Variants in ACSBG1 observed in about 807,000 individuals in gnomAD.
ACSBG1 encodes acyl-CoA synthetase bubblegum family member 1, also known as long-chain-fatty-acid--CoA ligase ACSBG1.
Under a neutral mutation model 80.2 loss-of-function variants are expected in ACSBG1, and 39 were observed. The ratio of observed to expected loss-of-function variants is 0.49; its 90% CI spans 0.38 to 0.64. The LOEUF is 0.64. Ranked by LOEUF, ACSBG1 falls within the 30% of genes least tolerant of loss-of-function variation. ACSBG1 has a pLI of 0.00. For missense variants in ACSBG1, 828 were observed against 966.4 expected, an observed-to-expected ratio of 0.86 and a Z score of 1.90; for synonymous variants, 392 against 379.5, an observed-to-expected ratio of 1.03 and a Z score of -0.38.
chr15:78,202,157 T>G (rs1317543018), intron 2 of ACSBG1, among the ~76,000 whole-genome samples: 5 of 152,166 alleles, frequency 3.3e-5, no homozygotes, highest in African/African-American at 1.2e-4. Flanking sequence ...AGGTCCATTC[T>G]TCCCATTCCC....
At chr15:78,180,607 A>C (rs2074931932) in intron 9 of ACSBG1, 148 bp downstream of exon 9, 2 of 987,978 alleles carry the variant, frequency 2.0e-6, no homozygotes, top group Admixed American at 5.6e-5. Context: ...GCTCAAGCCC[A>C]GTCATTGATG....
intron 2 of ACSBG1, among the ~76,000 whole-genome samples, chr15:78,197,673 C>T (rs59369494): frequency 0.052 from 7,494 of 144,526 alleles, 672 homozygotes; most frequent in African/African-American, 0.18. Flanking sequence ...GAGCTGAGAT[C>T]GCACCACTGC....
At position 78,180,937 on chromosome 15, in the gene ACSBG1, C is replaced by A; in HGVS notation, c.1072-1G>T. On this transcript the variant is annotated splice_acceptor_variant, in intron 8 of 13. Coordinates refer to ENST00000258873, the MANE Select transcript of ACSBG1 (RefSeq NM_015162.5). LOFTEE classifies it high-confidence loss of function. ...CCCGCAGCGTGTTCACCAGGCTCCC[C>A]TGTTCACACCAGAAGAGGCAGGCCT... is the stretch of plus-strand genomic sequence containing the variant. The A allele has an allele frequency of 6.2e-7, 1 of 1,613,248 alleles. No homozygotes were observed. The highest frequency in any genetic ancestry group is 1.7e-4 in the Middle Eastern group (1 of 6,052).
At chr15:78,187,456 C>T (rs1595885814) in intron 5 of ACSBG1, among the ~76,000 whole-genome samples, 1 of 152,318 alleles carries the variant, frequency 6.6e-6, no homozygotes, top group East Asian at 1.9e-4. Context: ...TCCAGCAGCA[C>T]ATCAAAAAGC....
chr15:78,196,347 C>A (rs1361957962), intron 2 of ACSBG1, among the ~76,000 whole-genome samples: 1 of 152,240 alleles, frequency 6.6e-6, no homozygotes, highest in Non-Finnish European at 1.5e-5. Flanking sequence ...TTGCTAAAGT[C>A]CATGCCCAGA....
intron 5 of ACSBG1, among the ~76,000 whole-genome samples, chr15:78,186,384 C>A (rs1439118112): frequency 1.3e-5 from 2 of 152,136 alleles, no homozygotes; most frequent in African/African-American, 2.4e-5. Flanking sequence ...TTTTTCAGCA[C>A]CACACCACAC....
intron 1 of ACSBG1, among the ~76,000 whole-genome samples, chr15:78,220,732 AG>A (rs1292168611): frequency 6.6e-6 from 1 of 152,264 alleles, no homozygotes; most frequent in Non-Finnish European, 1.5e-5. Context: ...TGGCATCATC[AG>A]CCACCAGGAA....
intron 1 of ACSBG1, among the ~76,000 whole-genome samples, chr15:78,227,885 G>A (rs1423491113): frequency 6.6e-6 from 1 of 152,228 alleles, no homozygotes; most frequent in East Asian, 1.9e-4. Context: ...AGCCAGACAA[G>A]TAACATTCTG....
intron 2 of ACSBG1, among the ~76,000 whole-genome samples, chr15:78,202,705 A>G (rs2075179912): frequency 6.6e-6 from 1 of 152,254 alleles, no homozygotes; most frequent in African/African-American, 2.4e-5. Flanking sequence ...AGTGCAGTGC[A>G]GAACATGAAC....
At chr15:78,192,435 C>T (rs748541226) in intron 5 of ACSBG1, among the ~76,000 whole-genome samples, 5 of 152,168 alleles carry the variant, frequency 3.3e-5, no homozygotes, top group Non-Finnish European at 7.4e-5. Context: ...GAGGTCTTCC[C>T]GGGGCTTCAT....
At chr15:78,182,434 A>AC (rs66983917) in intron 7 of ACSBG1, 32 bp downstream of exon 7, 436 of 1,603,652 alleles carry the variant, frequency 2.7e-4, no homozygotes, top group African/African-American at 9.8e-4. Flanking sequence ...ACCCCCTTGC[A>AC]CCCCCCCCAC....
In ACSBG1 at chr15:78,168,883, G is replaced by A. The variant is rs767640918; in HGVS notation, c.*2561C>T. The A allele has an allele frequency of 7.4e-7, 1 of 1,343,868 alleles. No individual in the cohort carries two copies. Among genetic ancestry groups the A allele is most frequent in the Non-Finnish European group, 1.1e-6 (1 of 942,200 alleles). The allele number at this position is 1,343,868 out of a possible 1,614,324, so 83.2% of individuals were successfully genotyped here. On this transcript the variant is annotated 3_prime_UTR_variant, in exon 14 of 14. Coordinates refer to ENST00000258873, the MANE Select transcript of ACSBG1 (RefSeq NM_015162.5). ...AAATCTCCTTGGTTTAGTTTAGTTT[G>A]CGGATACATCTTTTATTTTTGCTTT...
Position 78,178,795 on chromosome 15 carries a change from C to T in ACSBG1, c.1521G>A (p.Leu507=). 2 of 1,613,600 alleles carry T rather than the reference C, an allele frequency of 1.2e-6. No individual in the cohort carries two copies. Among genetic ancestry groups the T allele is most frequent in the Middle Eastern group, 3.3e-4 (2 of 6,062 alleles). ...GKLVPGCRVK[L]VNQDAEGIGE... Reference sequence around the variant, plus strand: ...CAATGCCCTCTGCGTCCTGGTTCACCAGCTTCACCCGACAGCCGGGCACCA... The same window carrying T: ...CAATGCCCTCTGCGTCCTGGTTCACTAGCTTCACCCGACAGCCGGGCACCA... Residue 507 remains leucine, a synonymous_variant, in exon 11 of 14, where the codon CTG becomes CTA. Transcript: ENST00000258873. The surrounding 1 kb of genome is among the most constrained non-coding windows in gnomAD (Gnocchi z 4.3).
chr15:78,182,439 C>A lies in ACSBG1; in HGVS notation c.894+27G>T, dbSNP rs8032365. The A allele has an allele frequency of 0.052, 84,160 of 1,611,738 alleles. 2,523 individuals are homozygous for A. Among genetic ancestry groups the A allele is most frequent in the African/African-American group, 0.13 (9,413 of 74,978 alleles). ...TCCACCCATAACCCCCTTGCACCCCCCCCACCCCACCGGGCATCTGTCCTA... is the reference window on the plus strand; with the variant it reads ...TCCACCCATAACCCCCTTGCACCCCACCCACCCCACCGGGCATCTGTCCTA... On this transcript the variant is annotated intron_variant, in intron 7 of 13. Transcript: ENST00000258873.
Position 78,171,231 on chromosome 15 carries a change from T to A in ACSBG1, c.*213A>T. The A allele has an allele frequency of 2.3e-6, 1 of 440,450 alleles. No individual in the cohort carries two copies. Among genetic ancestry groups the A allele is most frequent in the Non-Finnish European group, 4.1e-6 (1 of 243,802 alleles). The allele number at this position is 440,450 out of a possible 1,614,324, so 27.3% of individuals were successfully genotyped here. A position where few individuals can be genotyped will look rare whatever the true frequency, so the allele number is the denominator to read the frequency against. ...CCTGAACAAAAAGCAATACTTAAAC[T>A]GAATTAAAACTACCCACACGTGAAG... On this transcript the variant is annotated 3_prime_UTR_variant, in exon 14 of 14. Transcript: ENST00000258873.
chr15:78,224,163 C>T (rs1229965394), intron 1 of ACSBG1, among the ~76,000 whole-genome samples: 1 of 152,186 alleles, frequency 6.6e-6, no homozygotes, highest in Non-Finnish European at 1.5e-5. Flanking sequence ...GAGAAACAGG[C>T]TTGTCAACAA....
At chr15:78,173,909 G>T in intron 12 of ACSBG1, 70 bp from the exon 13 acceptor site, 2 of 1,546,414 alleles carry the variant, frequency 1.3e-6, no homozygotes, top group Non-Finnish European at 1.7e-6. Context: ...CCTGGAGGAG[G>T]TCTTACTGCT....
Position 78,194,634 on chromosome 15 carries a change from A to G in ACSBG1, c.325T>C (p.Phe109Leu). The part of the protein sequence containing the change: ...PQLPYTVHRM[F>L]YEALDKYGDL... Reference sequence around the variant, plus strand: ...CCATACTTATCCAGGGCCTCGTAGAACATCCGATGCACAGTGTAGGGAAGC... The same window carrying G: ...CCATACTTATCCAGGGCCTCGTAGAGCATCCGATGCACAGTGTAGGGAAGC... Residue 109 changes from phenylalanine to leucine, a missense_variant, in exon 3 of 14, where the codon TTC becomes CTC. Around this residue, in one of 3 missense-constraint regions of ACSBG1, gnomAD observed 356 missense variants for 363.5 expected, o/e 0.98. Coordinates refer to ENST00000258873, the MANE Select transcript of ACSBG1 (RefSeq NM_015162.5). 6.2e-7 allele frequency: 1 copy of G among 1,614,276 alleles called. No individual in the cohort carries two copies. The highest frequency in any genetic ancestry group is 1.1e-5 in the South Asian group (1 of 91,088).
At chr15:78,182,438 C>A (rs201578767) in intron 7 of ACSBG1, 28 bp downstream of exon 7, 1 of 1,612,006 alleles carries the variant, frequency 6.2e-7, no homozygotes, top group South Asian at 1.1e-5. Context: ...CCTTGCACCC[C>A]CCCCACCCCA....
Sources: gnomAD v4.1 joint callset for allele counts (sites outside exome capture counted in the v4.1 genomes callset) on GRCh38, gnomAD v4.1.1 for gene constraint, gnomAD v4.1.1 regional missense constraint, Gnocchi (gnomAD v3.1) non-coding constraint, MANE v1.5 for transcripts, NCBI Gene and HGNC (gene_info 2026-07-23, HGNC 2026-07-21) for gene names.